Variants in ZNF638 observed in about 807,000 individuals in gnomAD.
ZNF638 encodes zinc finger protein 638.
ZNF638 carries 46 observed loss-of-function variants against 195.6 expected under a neutral mutation model. The ratio of observed to expected loss-of-function variants is 0.24; its 90% confidence interval spans 0.19 to 0.30. ZNF638 has a LOEUF of 0.30. ZNF638 is among the 10% of genes least tolerant of loss of function. The pLI, the probability that ZNF638 is intolerant of heterozygous loss-of-function variation, is 1.00. For missense variants in ZNF638, 2,440 were observed against 2,325.3 expected (o/e 1.05, Z -1.01); for synonymous variants, 845 against 772.0 (o/e 1.09, Z -1.57).
Position 71,349,331 on chromosome 2 carries a change from A to G in ZNF638, c.377A>G (p.Glu126Gly), listed in dbSNP as rs2078904505. The G allele has an allele frequency of 1.2e-6, 2 of 1,614,064 alleles. No homozygotes were observed. The highest frequency in any genetic ancestry group is 1.1e-5 in the South Asian group (1 of 91,086). ...CAGAGTTCTGTAACACAGGTTACAGAGCAGAGTCCCAAAGTACAGAGCCGC... is the reference window on the plus strand; with the variant it reads ...CAGAGTTCTGTAACACAGGTTACAGGGCAGAGTCCCAAAGTACAGAGCCGC... ...VKQSSVTQVTEQSPKVQSRYT... is the reference protein window; with the variant it reads ...VKQSSVTQVTGQSPKVQSRYT... The change falls in exon 2 of 28, where the codon GAG becomes GGG. Residue 126 changes from glutamate to glycine, a missense_variant. Transcript: ENST00000264447.
At chr2:71,364,836 T>C (rs975361580) in intron 5 of ZNF638, among the ~76,000 whole-genome samples, 2 of 152,208 alleles carry the variant, frequency 1.3e-5, no homozygotes, top group Non-Finnish European at 2.9e-5. Flanking sequence ...CAAGGATCGA[T>C]TGGGGTCCTC....
intron 2 of ZNF638, 63 bp from the exon 3 acceptor site, chr2:71,355,656 G>T: frequency 9.2e-7 from 1 of 1,082,142 alleles, no homozygotes. Flanking sequence ...TTTTTTAAAA[G>T]CCTAATTCAT....
At chr2:71,370,081 T>TA in intron 8 of ZNF638, 76 bp downstream of exon 8, 4 of 1,455,282 alleles carry the variant, frequency 2.7e-6, no homozygotes, top group Non-Finnish European at 1.9e-6. Flanking sequence ...ATGGCACACA[T>TA]ATAGAAATAG....
chr2:71,421,454 C>G (rs759196063), intron 21 of ZNF638, among the ~76,000 whole-genome samples: 1 of 152,092 alleles, frequency 6.6e-6, no homozygotes, highest in Non-Finnish European at 1.5e-5. Context: ...AGGTATTTCT[C>G]TAATCTGGTA....
chr2:71,337,546 C>T (rs912528030), intron 1 of ZNF638, among the ~76,000 whole-genome samples: 3 of 152,040 alleles, frequency 2.0e-5, no homozygotes, highest in Non-Finnish European at 4.4e-5. Flanking sequence ...AGTACTGGCT[C>T]AGGCGCGCAC....
intron 25 of ZNF638, 118 bp downstream of exon 25, chr2:71,428,769 A>G: frequency 2.6e-6 from 2 of 754,952 alleles, no homozygotes; most frequent in East Asian, 5.2e-5. Flanking sequence ...AGGGGTGGGA[A>G]AAGTCAACTA....
rs1254234619 is a variant in ZNF638 at position 71,333,547 on chromosome 2, A to G, written c.-203+1672A>G. Among the ~76,000 whole-genome samples the G allele has an allele frequency of 2.0e-5, 3 of 152,270 alleles. No individual in the cohort carries two copies. The East Asian group carries it at 5.8e-4, about 29-fold the overall frequency. On this transcript the variant is annotated intron_variant, in intron 1 of 27. Transcript: ENST00000264447. ...GGTACTGTAGTTTAAAAAAGTCATC[A>G]CTTTGTACTTGACTATCTTAGGGTT...
At chr2:71,395,582 C>T in intron 10 of ZNF638, 1 of 594,452 alleles carries the variant, frequency 1.7e-6, no homozygotes, top group South Asian at 1.6e-5. Context: ...CTATTGCGCG[C>T]AGGACTGCTC....
At chr2:71,363,352 G>T (rs2079140050) in intron 4 of ZNF638, among the ~76,000 whole-genome samples, 161 bp downstream of exon 4, 1 of 152,176 alleles carries the variant, frequency 6.6e-6, no homozygotes. Context: ...GCTTAAAGGT[G>T]ACACAGCCCC....
intron 1 of ZNF638, among the ~76,000 whole-genome samples, chr2:71,340,981 A>G (rs184409085): frequency 6.6e-6 from 1 of 152,384 alleles, no homozygotes; most frequent in African/African-American, 2.4e-5. Context: ...TGATGGAGCC[A>G]TTATCTGATG....
intron 1 of ZNF638, among the ~76,000 whole-genome samples, chr2:71,344,137 AT>A: frequency 6.6e-6 from 1 of 152,226 alleles, no homozygotes; most frequent in Middle Eastern, 3.2e-3. Context: ...CTCAAAAAAA[AT>A]AAAAATAAAA....
chr2:71,395,691 A>G (rs2079878206), intron 10 of ZNF638: 2 of 465,798 alleles, frequency 4.3e-6, no homozygotes, highest in African/African-American at 2.0e-5. Context: ...CCAGCTTATC[A>G]GGGCTGCATT....
At chr2:71,380,360 T>G in intron 9 of ZNF638, 80 bp downstream of exon 9, 1 of 1,176,120 alleles carries the variant, frequency 8.5e-7, no homozygotes, top group Non-Finnish European at 1.2e-6. Flanking sequence ...AACCGCATTT[T>G]AAATATATTT....
chr2:71,376,233 T>G (rs1356622464), intron 8 of ZNF638: 3 of 152,218 alleles, frequency 2.0e-5, no homozygotes, highest in South Asian at 2.1e-4. Context: ...AATATTAATG[T>G]TCTTCAGCTA....
chr2:71,395,796 A>C (rs996592726), intron 10 of ZNF638: 4 of 412,498 alleles, frequency 9.7e-6, no homozygotes, highest in African/African-American at 6.1e-5. Context: ...GCTCAGCCTG[A>C]GTCTGCAGGT....
In ZNF638 at chr2:71,386,640, A is replaced by G. The variant is rs7557654; in HGVS notation, c.2377+6075A>G. On this transcript the variant is annotated intron_variant, in intron 10 of 27. Transcript: ENST00000264447. ...ATCAATTATACAGTGCTATTTAATT[A>G]TAATTACCCATCTTAATTCTCTAAT... Among the ~76,000 whole-genome samples the G allele has an allele frequency of 6.2e-3, 945 of 152,344 alleles. 6 individuals carry two copies. Among genetic ancestry groups the G allele is most frequent in the African/African-American group, 0.02 (824 of 41,582 alleles).
chr2:71,345,060 G>A (rs995822302), intron 1 of ZNF638, among the ~76,000 whole-genome samples: 1 of 152,084 alleles, frequency 6.6e-6, no homozygotes, highest in Non-Finnish European at 1.5e-5. Context: ...AGGTGAGTAT[G>A]GTATGAGAAT....
At chr2:71,419,026 C>G (rs2080364853) in intron 21 of ZNF638, among the ~76,000 whole-genome samples, 1 of 152,140 alleles carries the variant, frequency 6.6e-6, no homozygotes, top group South Asian at 2.1e-4. Flanking sequence ...TTTAACGTTA[C>G]TTAATTTCAT....
chr2:71,380,445 A>C (rs2079516158), intron 9 of ZNF638, 68 bp from the exon 10 acceptor site: 5 of 1,403,392 alleles, frequency 3.6e-6, no homozygotes, highest in Non-Finnish European at 4.9e-6. Context: ...TTTAAATATT[A>C]CATTTTTAGG....
Sources: gnomAD v4.1 joint callset for allele counts (sites outside exome capture counted in the v4.1 genomes callset) on GRCh38, gnomAD v4.1.1 for gene constraint, MANE v1.5 for transcripts, NCBI Gene and HGNC (gene_info 2026-07-23, HGNC 2026-07-21) for gene names.